SH2D4B: variants seen among roughly 807,000 people sequenced by gnomAD.
SH2D4B encodes SH2 domain containing 4B, also known as SH2 domain-containing protein 4B.
Under a neutral mutation model 61.5 loss-of-function variants are expected in SH2D4B, and 45 were observed. The ratio of observed to expected loss-of-function variants is 0.73; its 90% CI spans 0.58 to 0.94. SH2D4B has a LOEUF of 0.94. Among genes scored for constraint, SH2D4B ranks in the 40% least tolerant of loss-of-function variants. The pLI is 0.00. For missense variants in SH2D4B, 572 were observed against 574.2 expected, an observed-to-expected ratio of 1.00 and a Z score of 0.04; for synonymous variants, 224 against 220.4, an observed-to-expected ratio of 1.02 and a Z score of -0.14.
At chr10:80,581,699 T>C (rs1449392000) in intron 3 of SH2D4B, among the ~76,000 whole-genome samples, 2 of 152,202 alleles carry the variant, frequency 1.3e-5, no homozygotes, top group African/African-American at 4.8e-5. Context: ...TAGAGTTCTG[T>C]CATTTAAGCC....
intron 4 of SH2D4B, among the ~76,000 whole-genome samples, chr10:80,596,883 T>A (rs1842391231): frequency 6.6e-6 from 1 of 152,192 alleles, no homozygotes; most frequent in African/African-American, 2.4e-5. Context: ...CAGTTAAGAC[T>A]GAGGAGCAAC....
At chr10:80,623,146 T>C (rs1213271214) in intron 6 of SH2D4B, among the ~76,000 whole-genome samples, 1 of 152,240 alleles carries the variant, frequency 6.6e-6, no homozygotes, top group Non-Finnish European at 1.5e-5. Context: ...AACTCCTGAC[T>C]TCCGGCAATC....
At chr10:80,577,406 T>C (rs1016734172) in intron 3 of SH2D4B, among the ~76,000 whole-genome samples, 2 of 151,890 alleles carry the variant, frequency 1.3e-5, no homozygotes, top group African/African-American at 2.4e-5. Flanking sequence ...AAAATGGTAG[T>C]TGTTTTAGAC....
intron 4 of SH2D4B, among the ~76,000 whole-genome samples, chr10:80,594,878 G>C (rs1842369105): frequency 6.6e-6 from 1 of 152,112 alleles, no homozygotes; most frequent in Non-Finnish European, 1.5e-5. Context: ...AAAACACCCA[G>C]AACTTCTGGG....
At chr10:80,548,748 G>A (rs1841715598) in intron 1 of SH2D4B, among the ~76,000 whole-genome samples, 1 of 152,150 alleles carries the variant, frequency 6.6e-6, no homozygotes, top group African/African-American at 2.4e-5. Context: ...GAATTAGTCT[G>A]GGCCTCTTCC....
At chr10:80,575,807 T>G (rs1257175942) in intron 3 of SH2D4B, among the ~76,000 whole-genome samples, 1 of 152,116 alleles carries the variant, frequency 6.6e-6, no homozygotes, top group Non-Finnish European at 1.5e-5. Flanking sequence ...ATGCATCTCC[T>G]ATGAAGAAGG....
At chr10:80,616,747 T>G (rs1842665817) in intron 6 of SH2D4B, among the ~76,000 whole-genome samples, 1 of 152,218 alleles carries the variant, frequency 6.6e-6, no homozygotes, top group South Asian at 2.1e-4. Context: ...TATTGGCTTT[T>G]TGTGTTTTAA....
At chr10:80,560,267 G>A (rs999208136) in intron 1 of SH2D4B, among the ~76,000 whole-genome samples, 3 of 151,888 alleles carry the variant, frequency 2.0e-5, no homozygotes, top group Non-Finnish European at 4.4e-5. Flanking sequence ...GATTACAGGC[G>A]TGAGCCACCG....
At chr10:80,626,043 C>G (rs1051949055) in intron 6 of SH2D4B, among the ~76,000 whole-genome samples, 1 of 152,152 alleles carries the variant, frequency 6.6e-6, no homozygotes, top group Non-Finnish European at 1.5e-5. Flanking sequence ...TTTTTCAAAA[C>G]CTCAAATTAT....
At chr10:80,623,038 C>A (rs1030877821) in intron 6 of SH2D4B, among the ~76,000 whole-genome samples, 2 of 152,190 alleles carry the variant, frequency 1.3e-5, no homozygotes, top group African/African-American at 4.8e-5. Context: ...CTTCAGCCTC[C>A]CGAGTAGCTG....
At chr10:80,569,387 C>T (rs932611487) in intron 1 of SH2D4B, among the ~76,000 whole-genome samples, 21 of 152,114 alleles carry the variant, frequency 1.4e-4, no homozygotes, top group African/African-American at 5.1e-4. Flanking sequence ...CTGCTCACAA[C>T]ACAACAGCCA....
intron 6 of SH2D4B, among the ~76,000 whole-genome samples, chr10:80,633,669 T>G (rs1466959724): frequency 6.6e-6 from 1 of 152,258 alleles, no homozygotes; most frequent in Admixed American, 6.5e-5. Flanking sequence ...TTCCAAATTG[T>G]GATGAAACTG....
chr10:80,631,643 G>A, intron 6 of SH2D4B, among the ~76,000 whole-genome samples: 1 of 152,194 alleles, frequency 6.6e-6, no homozygotes, highest in East Asian at 1.9e-4. Flanking sequence ...ATGAAATCCT[G>A]TCATTTGTGA....
intron 5 of SH2D4B, among the ~76,000 whole-genome samples, chr10:80,604,709 A>G (rs189351490): frequency 6.6e-6 from 1 of 151,862 alleles, no homozygotes; most frequent in Admixed American, 6.6e-5. Context: ...AGGTTTAAAA[A>G]GGTATACTGA....
intron 3 of SH2D4B, among the ~76,000 whole-genome samples, chr10:80,587,155 T>TG (rs1564775956): frequency 4.2e-4 from 45 of 107,418 alleles, no homozygotes; most frequent in Admixed American, 6.5e-4. Flanking sequence ...TGTTTTGTTT[T>TG]TTTTTTTTTT....
At chr10:80,560,693 C>CAATTTT (rs1841892560) in intron 1 of SH2D4B, among the ~76,000 whole-genome samples, 1 of 58,844 alleles carries the variant, frequency 1.7e-5, no homozygotes, top group African/African-American at 7.4e-5. Flanking sequence ...CCTGGCCAAG[C>CAATTTT]TTTTTTTTTT....
chr10:80,598,909 C>G (rs952482133), intron 4 of SH2D4B, among the ~76,000 whole-genome samples: 1 of 152,070 alleles, frequency 6.6e-6, no homozygotes, highest in Non-Finnish European at 1.5e-5. Context: ...ATCATTGCTA[C>G]TGTTACTAGG....
At chr10:80,583,395 G>A (rs1378263209) in intron 3 of SH2D4B, among the ~76,000 whole-genome samples, 4 of 152,062 alleles carry the variant, frequency 2.6e-5, no homozygotes, top group Admixed American at 2.0e-4. Context: ...GGAGCCGGGC[G>A]CGGTGGCTCA....
In SH2D4B at chr10:80,538,500, C is replaced by A; in HGVS notation, c.169C>A (p.Pro57Thr). 7.1e-7 allele frequency: 1 copy of A among 1,409,222 alleles called. No individual in the cohort carries two copies. The highest frequency in any genetic ancestry group is 1.5e-5 in the African/African-American group (1 of 68,872). The allele number at this position is 1,409,222 out of a possible 1,614,324, so 87.3% of individuals were successfully genotyped here. A position where few individuals can be genotyped will look rare whatever the true frequency, so the allele number is the denominator to read the frequency against. Reference sequence around the variant, plus strand: ...GGCCCAGGACGAGGGTCTCAGGCCTCCAAAGACCAAGCGAGGTACGTGGCT... The same window carrying A: ...GGCCCAGGACGAGGGTCTCAGGCCTACAAAGACCAAGCGAGGTACGTGGCT... ...ALAQDEGLRP[P>T]KTKRAASDKH... The change falls in exon 1 of 8, where the codon CCA becomes ACA. Residue 57 changes from proline (P) to threonine (T), a missense_variant. Pro to Thr is a conservative substitution (Grantham distance 38). Transcript: ENST00000646907. The surrounding 1 kb of genome is among the most constrained non-coding windows in gnomAD (Gnocchi z 4.8).
Sources: allele counts gnomAD v4.1 joint callset (sites outside exome capture counted in the v4.1 genomes callset), GRCh38; gene constraint gnomAD v4.1.1; non-coding constraint Gnocchi (gnomAD v3.1); transcripts MANE v1.5; gene names NCBI Gene and HGNC (gene_info 2026-07-23, HGNC 2026-07-21).